The following TEX11 variants were observed in gnomAD, a reference collection of about 807,000 sequenced individuals.
The protein encoded by TEX11 is testis expressed 11.
A neutral mutation model predicts 84.4 loss-of-function variants in TEX11; 7 were observed. That is an observed-to-expected ratio of 0.08 (90% CI 0.05 to 0.16). TEX11 has a LOEUF of 0.16. TEX11 is among the 10% of genes least tolerant of loss of function. The pLI, the probability that TEX11 is intolerant of heterozygous loss-of-function variation, is 1.00. For synonymous variants in TEX11, 264 were observed against 222.8 expected, an observed-to-expected ratio of 1.18 and a Z score of -1.64; for missense variants, 551 against 660.5, an observed-to-expected ratio of 0.83 and a Z score of 1.82.
At chrX:70,756,345 G>A (rs1387382365) in intron 9 of TEX11, among the ~76,000 whole-genome samples, 1 of 112,000 alleles carries the variant, frequency 8.9e-6, no homozygotes, top group Non-Finnish European at 1.9e-5. Flanking sequence ...TAGCCTGACT[G>A]GGAGACACCT....
intron 4 of TEX11, among the ~76,000 whole-genome samples, chrX:70,864,103 A>T: frequency 9.0e-6 from 1 of 111,688 alleles, no homozygotes; most frequent in Non-Finnish European, 1.9e-5. Context: ...CAAACGTATG[A>T]TTGATTGGTG....
chrX:70,587,875 C>T (rs775554182), intron 25 of TEX11, among the ~76,000 whole-genome samples: 5 of 112,647 alleles, frequency 4.4e-5, no homozygotes, highest in East Asian at 2.8e-4. Flanking sequence ...CTGCCCAAGA[C>T]GATGGGAACC....
intron 7 of TEX11, among the ~76,000 whole-genome samples, chrX:70,834,047 G>A (rs2091391747): frequency 9.0e-6 from 1 of 111,153 alleles, no homozygotes; most frequent in South Asian, 3.8e-4. Context: ...CAATTAGCCA[G>A]ACATGGTGGC....
At chrX:70,651,642 C>T in intron 16 of TEX11, 90 bp from the exon 17 acceptor site, 1 of 584,474 alleles carries the variant, frequency 1.7e-6, no homozygotes, top group Non-Finnish European at 2.7e-6. Context: ...GTCAAAATGG[C>T]TGAGGGATAC....
At chrX:70,676,575 C>T (rs2090073521) in intron 15 of TEX11, among the ~76,000 whole-genome samples, 1 of 111,515 alleles carries the variant, frequency 9.0e-6, no homozygotes, top group African/African-American at 3.3e-5. Context: ...GCGTTGGTGT[C>T]GTTTTGTGTT....
chrX:70,514,893 C>T, the TEX11 span, among the ~76,000 whole-genome samples: 1 of 110,334 alleles, frequency 9.1e-6, no homozygotes, highest in Non-Finnish European at 1.9e-5. Context: ...CATGGTGAAA[C>T]CTCATCACTA....
intron 9 of TEX11, among the ~76,000 whole-genome samples, chrX:70,747,782 T>C (rs2147752796): frequency 9.0e-6 from 1 of 111,463 alleles, no homozygotes; most frequent in Admixed American, 9.6e-5. Context: ...TTTATTATAC[T>C]TTAAGTTCTA....
chrX:70,789,354 G>A (rs754631088), intron 9 of TEX11, among the ~76,000 whole-genome samples: 8 of 111,974 alleles, frequency 7.1e-5, no homozygotes, highest in African/African-American at 2.6e-4. Flanking sequence ...AACTTTGGGA[G>A]GCCAAGGCAA....
At chrX:70,728,342 G>C in intron 11 of TEX11, among the ~76,000 whole-genome samples, 1 of 112,995 alleles carries the variant, frequency 8.8e-6, no homozygotes, top group Non-Finnish European at 1.9e-5. Context: ...AGTGCACTGA[G>C]CCTGAGCCGA....
At chrX:70,517,249 G>T in the TEX11 span, among the ~76,000 whole-genome samples, 1 of 111,858 alleles carries the variant, frequency 8.9e-6, no homozygotes, top group Non-Finnish European at 1.9e-5. Flanking sequence ...TATGATATTG[G>T]CTATGGGTTT....
chrX:70,781,690 T>C (rs1012773087), intron 9 of TEX11, among the ~76,000 whole-genome samples: 4 of 111,700 alleles, frequency 3.6e-5, no homozygotes, highest in African/African-American at 1.3e-4. Flanking sequence ...CAGTAGCTGA[T>C]TCGATCAAGT....
At chrX:70,730,960 A>T (rs1316667468) in intron 11 of TEX11, among the ~76,000 whole-genome samples, 26 of 112,187 alleles carry the variant, frequency 2.3e-4, no homozygotes, top group African/African-American at 8.1e-4. Context: ...AGTCTCTCAG[A>T]CCACAGTGCA....
At chrX:70,603,927 C>T (rs767197523) in intron 24 of TEX11, among the ~76,000 whole-genome samples, 16 of 111,559 alleles carry the variant, frequency 1.4e-4, no homozygotes, top group Non-Finnish European at 2.4e-4. Flanking sequence ...AGACAGAGTA[C>T]CACTGTCCGA....
chrX:70,591,686 G>T, intron 25 of TEX11, 65 bp downstream of exon 25: 1 of 890,467 alleles, frequency 1.1e-6, no homozygotes, highest in Non-Finnish European at 1.6e-6. Context: ...GGTGACAAAA[G>T]ACTTGTTTAT....
intron 10 of TEX11, among the ~76,000 whole-genome samples, chrX:70,741,698 C>G (rs1192659739): frequency 9.0e-6 from 1 of 110,745 alleles, no homozygotes; most frequent in African/African-American, 3.3e-5. Context: ...AGCTTGTATC[C>G]TATCTTCCAT....
chrX:70,756,912 G>A (rs1013870184), intron 9 of TEX11, among the ~76,000 whole-genome samples: 1 of 111,999 alleles, frequency 8.9e-6, no homozygotes, highest in Non-Finnish European at 1.9e-5. Flanking sequence ...AAACAGTGTA[G>A]AGAAGACCTT....
In TEX11 at chrX:70,728,562, A is replaced by T. The variant is rs189183410; in HGVS notation, c.844-3219T>A. Reference sequence around the variant, plus strand: ...GTCCTACGCCCACAGAGCCTCGCTCATTGCTAGCACAGCAGTCTGAGATCA... The same window carrying T: ...GTCCTACGCCCACAGAGCCTCGCTCTTTGCTAGCACAGCAGTCTGAGATCA... On this transcript the variant is annotated intron_variant, in intron 11 of 29. Transcript: ENST00000374333. 7.9e-4 allele frequency among the ~76,000 whole-genome samples: 76 copies of T among 96,428 alleles called. No homozygotes were observed. The East Asian group carries it at 0.024, about 30-fold the overall frequency. 83.7% of individuals were successfully genotyped at this position (96,428 alleles called of 115,157 possible).
chrX:70,672,323 T>G lies in TEX11; in HGVS notation c.1243-1809A>C, dbSNP rs181330216. On this transcript the variant is annotated intron_variant, in intron 15 of 29. Coordinates refer to ENST00000374333, the MANE Select transcript of TEX11 (RefSeq NM_031276.3). ...AATAAAGCTGCTATCAGCTTTTACA[T>G]GCAAGTTTTTGTATGGATAAATAAT... Among the ~76,000 whole-genome samples, 12 of 111,826 alleles carry G rather than the reference T, an allele frequency of 1.1e-4. No individual in the cohort carries two copies. The East Asian group carries it at 2.8e-3, about 26-fold the overall frequency.
chrX:70,684,516 G>A (rs2090172000), intron 13 of TEX11, among the ~76,000 whole-genome samples: 1 of 111,902 alleles, frequency 8.9e-6, no homozygotes, highest in African/African-American at 3.3e-5. Flanking sequence ...AACCCAGGAG[G>A]TGGAGGTTGC....
Sources: gnomAD v4.1 joint callset for allele counts (sites outside exome capture counted in the v4.1 genomes callset) on GRCh38, gnomAD v4.1.1 for gene constraint, MANE v1.5 for transcripts, NCBI Gene and HGNC (gene_info 2026-07-23, HGNC 2026-07-21) for gene names.